NEBL: variants seen among roughly 807,000 people sequenced by gnomAD.
NEBL encodes LIM and SH3 protein 2.
A neutral mutation model predicts 140.2 loss-of-function variants in NEBL; 122 were observed. The ratio of observed to expected loss-of-function variants is 0.87; its 90% CI spans 0.75 to 1.01. The LOEUF is 1.01. Among genes scored for constraint, NEBL ranks in the 50% least tolerant of loss-of-function variants. The probability of loss-of-function intolerance (pLI) is 0.00; values close to 1 mark genes in which losing one functional copy is unlikely to be tolerated. For missense variants in NEBL, 1,365 were observed against 1,231.3 expected, an observed-to-expected ratio of 1.11 and a Z score of -1.62; for synonymous variants, 436 against 398.9, an observed-to-expected ratio of 1.09 and a Z score of -1.11.
intron 1 of NEBL, among the ~76,000 whole-genome samples, chr10:21,263,812 A>G (rs1042539468): frequency 1.3e-5 from 2 of 152,144 alleles, no homozygotes; most frequent in Non-Finnish European, 1.5e-5. Flanking sequence ...TAAAAATACA[A>G]AAATTAGCCG....
At chr10:20,917,655 C>A (rs1358742587) in intron 4 of NEBL, among the ~76,000 whole-genome samples, 1 of 152,200 alleles carries the variant, frequency 6.6e-6, no homozygotes, top group Admixed American at 6.5e-5. Context: ...AACAAAACTT[C>A]CAAGTTCAAT....
intron 3 of NEBL, among the ~76,000 whole-genome samples, chr10:21,218,849 A>G (rs1324871860): frequency 6.6e-6 from 1 of 152,244 alleles, no homozygotes; most frequent in Non-Finnish European, 1.5e-5. Flanking sequence ...GGAGAAAGCT[A>G]ACGGGAGATA....
rs372297961 is a variant in NEBL at position 21,089,762 on chromosome 10, C to G, written c.165-69561G>C. On this transcript the variant is annotated intron_variant, in intron 2 of 6. Transcript: ENST00000417816. ...TCTTCTCCCTTTTCTCCCTCCTTCC[C>G]CTGCCCAGATAAACATCAAATCCTC... Among the ~76,000 whole-genome samples, 68 of 152,208 alleles carry G rather than the reference C, an allele frequency of 4.5e-4. 1 individual carries two copies. In the South Asian group the frequency reaches 0.014, roughly 31 times the overall value.
intron 16 of NEBL, 69 bp downstream of exon 16, chr10:20,831,127 A>G: frequency 9.4e-7 from 1 of 1,067,850 alleles, no homozygotes; most frequent in Non-Finnish European, 1.5e-6. Flanking sequence ...TCATTCATAG[A>G]GACATACAAA....
intron 3 of NEBL, among the ~76,000 whole-genome samples, chr10:21,245,671 G>A (rs993545263): frequency 2.6e-5 from 4 of 151,194 alleles, no homozygotes; most frequent in East Asian, 3.9e-4. Flanking sequence ...AGCTGGAATT[G>A]CAGGTGCCCA....
intron 7 of NEBL, among the ~76,000 whole-genome samples, chr10:20,860,353 T>C (rs1313075230): frequency 6.6e-6 from 1 of 151,978 alleles, no homozygotes; most frequent in African/African-American, 2.4e-5. Context: ...AATGTCAATG[T>C]AAAACTTTCT....
chr10:21,172,044 G>A lies in NEBL; in HGVS notation c.164+339C>T. On this transcript the variant is annotated intron_variant, in intron 2 of 6. Transcript: ENST00000417816. The stretch of plus-strand genomic sequence containing the variant: ...ATGATTAAAATGGAAATTGACACAG[G>A]ATTAAAATGGAAATCTACCTGACAT... 9.4e-6 allele frequency: 3 copies of A among 319,856 alleles called. No individual in the cohort carries two copies. In the South Asian group the frequency reaches 1.0e-4, roughly 11 times the overall value. 19.8% of individuals were successfully genotyped at this position (319,856 alleles called of 1,614,324 possible).
chr10:21,079,300 A>AT (rs1477341104), intron 2 of NEBL, among the ~76,000 whole-genome samples: 5 of 152,176 alleles, frequency 3.3e-5, no homozygotes, highest in African/African-American at 1.2e-4. Context: ...CCATCTTGAG[A>AT]TTTTAAAAAA....
rs1045925252 is a variant in NEBL at position 20,783,543 on chromosome 10, G to A, written c.*2204C>T. The A allele has an allele frequency of 6.6e-6, 1 of 152,312 alleles. No individual in the cohort carries two copies. Among genetic ancestry groups the A allele is most frequent in the African/African-American group, 2.4e-5 (1 of 41,564 alleles). 9.4% of individuals were successfully genotyped at this position (152,312 alleles called of 1,614,324 possible). A position where few individuals can be genotyped will look rare whatever the true frequency, so the allele number is the denominator to read the frequency against. ...GATGAAATTACTTTCCTGATTACAAGCATTATTTCAAGTCAGTTTTCATTG... is the reference window on the plus strand; with the variant it reads ...GATGAAATTACTTTCCTGATTACAAACATTATTTCAAGTCAGTTTTCATTG... On this transcript the variant is annotated 3_prime_UTR_variant, in exon 28 of 28. Transcript: ENST00000377122.
intron 2 of NEBL, among the ~76,000 whole-genome samples, chr10:21,073,214 T>G (rs1835897100): frequency 6.6e-6 from 1 of 151,928 alleles, no homozygotes; most frequent in Non-Finnish European, 1.5e-5. Context: ...TCCCAGCACT[T>G]TAGGAGGCTG....
intron 4 of NEBL, among the ~76,000 whole-genome samples, chr10:20,946,789 C>T (rs556255764): frequency 6.8e-4 from 104 of 152,284 alleles, no homozygotes; most frequent in African/African-American, 2.4e-3. Flanking sequence ...GGGGTAGAGT[C>T]TTAATATCAG....
intron 4 of NEBL, among the ~76,000 whole-genome samples, chr10:20,928,122 T>C (rs1834002721): frequency 6.6e-6 from 1 of 152,240 alleles, no homozygotes; most frequent in South Asian, 2.1e-4. Context: ...AAAATCACTG[T>C]ACAATTTATA....
intron 3 of NEBL, among the ~76,000 whole-genome samples, chr10:21,220,276 C>T (rs9988744): frequency 0.28 from 42,778 of 152,060 alleles, 10,927 homozygotes; most frequent in African/African-American, 0.69. Flanking sequence ...GTTCTAACAG[C>T]TTGCATCTGG....
At chr10:20,903,894 C>T (rs1332097250) in intron 4 of NEBL, among the ~76,000 whole-genome samples, 1 of 151,146 alleles carries the variant, frequency 6.6e-6, no homozygotes, top group Non-Finnish European at 1.5e-5. Context: ...GGATTAAAAT[C>T]TACGGATTGG....
chr10:21,016,280 T>C (rs1377548693), intron 3 of NEBL, among the ~76,000 whole-genome samples: 1 of 152,230 alleles, frequency 6.6e-6, no homozygotes, highest in Non-Finnish European at 1.5e-5. Context: ...TATGAACCAC[T>C]GGCTTTGAAG....
chr10:21,190,763 C>T (rs1177404215), intron 3 of NEBL, among the ~76,000 whole-genome samples: 1 of 152,090 alleles, frequency 6.6e-6, no homozygotes, highest in East Asian at 1.9e-4. Context: ...TTGTAGAACA[C>T]AGAAAAATGA....
intron 3 of NEBL, among the ~76,000 whole-genome samples, chr10:20,977,746 A>G (rs570136323): frequency 9.8e-5 from 15 of 152,358 alleles, no homozygotes; most frequent in African/African-American, 3.6e-4. Context: ...CAAATGTAAC[A>G]AAAGCATCAG....
At chr10:20,870,868 G>A (rs758079351) in intron 5 of NEBL, among the ~76,000 whole-genome samples, 28 of 152,110 alleles carry the variant, frequency 1.8e-4, no homozygotes, top group Non-Finnish European at 3.2e-4. Flanking sequence ...GATCACATTC[G>A]TCATTTAGAT....
At chr10:21,195,523 C>T (rs533391685) in intron 3 of NEBL, among the ~76,000 whole-genome samples, 6 of 152,214 alleles carry the variant, frequency 3.9e-5, no homozygotes, top group East Asian at 1.9e-4. Flanking sequence ...CCTGCCAGAC[C>T]GGCTCAAAAC....
Sources: allele counts gnomAD v4.1 joint callset (sites outside exome capture counted in the v4.1 genomes callset), GRCh38; gene constraint gnomAD v4.1.1; transcripts MANE v1.5; gene names NCBI Gene and HGNC (gene_info 2026-07-23, HGNC 2026-07-21).